CLIP4: variants seen among roughly 807,000 people sequenced by gnomAD.
CLIP4 encodes the protein CAP-Gly domain-containing linker protein 4.
A neutral mutation model predicts 73.1 loss-of-function variants in CLIP4; 47 were observed. The observed-to-expected ratio is 0.64, with a 90% CI of 0.51 to 0.82. CLIP4 has a LOEUF of 0.82. Among genes scored for constraint, CLIP4 ranks in the 40% least tolerant of loss-of-function variants. The pLI is 0.00. For missense variants in CLIP4, 874 were observed against 852.9 expected (o/e 1.02, Z -0.31); for synonymous variants, 306 against 295.4 (o/e 1.04, Z -0.37).
rs1437991720 is a variant in CLIP4, at chr2:29,115,568, GC to G, written c.-111del. The G allele has an allele frequency of 1.4e-5, 2 of 147,738 alleles. No individual in the cohort carries two copies. Among genetic ancestry groups the G allele is most frequent in the Non-Finnish European group, 3.0e-5 (2 of 66,246 alleles). The allele number at this position is 147,738 out of a possible 1,614,324, so 9.2% of individuals were successfully genotyped here. On this transcript the variant is annotated 5_prime_UTR_variant, in exon 1 of 16. Coordinates refer to ENST00000320081, the MANE Select transcript of CLIP4 (RefSeq NM_024692.6). This position sits in a 1 kb window ranked among gnomAD's most constrained non-coding sequence, Gnocchi z 5.1. ...GGCGCGGCGGGAGGCTCCGTGGGCG[GC>G]CACGGGAGACAGCGCCGGCGGGAGC...
intron 1 of CLIP4, among the ~76,000 whole-genome samples, chr2:29,100,144 G>A (rs1558500907): frequency 6.6e-6 from 1 of 151,940 alleles, no homozygotes; most frequent in African/African-American, 2.4e-5. Context: ...TGCCCAGGCT[G>A]GTCTCAAACT....
intron 1 of CLIP4, among the ~76,000 whole-genome samples, chr2:29,100,513 G>A (rs868346064): frequency 6.6e-6 from 1 of 151,776 alleles, no homozygotes. Context: ...CAGTAAGTAG[G>A]TATTGAGTAC....
At chr2:29,154,018 A>G (rs531195143) in intron 9 of CLIP4, among the ~76,000 whole-genome samples, 1 of 152,346 alleles carries the variant, frequency 6.6e-6, no homozygotes, top group South Asian at 2.1e-4. Context: ...AAGAACTGAC[A>G]TCTTTACAAT....
intron 15 of CLIP4, among the ~76,000 whole-genome samples, chr2:29,180,842 G>GTA (rs3028197): frequency 1.3e-4 from 6 of 46,646 alleles, no homozygotes; most frequent in Non-Finnish European, 3.3e-4. Flanking sequence ...ATATATGTAT[G>GTA]TGTGTGTGTG....
At chr2:29,129,128 G>A (rs1664804490) in intron 2 of CLIP4, among the ~76,000 whole-genome samples, 1 of 152,130 alleles carries the variant, frequency 6.6e-6, no homozygotes, top group African/African-American at 2.4e-5. Flanking sequence ...TTTTCTTGCT[G>A]AGAAATTTTG....
At chr2:29,177,710 A>G (rs762248812) in intron 15 of CLIP4, among the ~76,000 whole-genome samples, 31 of 152,146 alleles carry the variant, frequency 2.0e-4, no homozygotes, top group Non-Finnish European at 3.4e-4. Flanking sequence ...TTTAAGGGAG[A>G]AGAGACGTCT....
At chr2:29,138,798 C>G (rs941347795) in intron 6 of CLIP4, among the ~76,000 whole-genome samples, 10 of 151,848 alleles carry the variant, frequency 6.6e-5, no homozygotes, top group Non-Finnish European at 1.3e-4. Flanking sequence ...TGTTCTCAGC[C>G]TGAGTGTTAT....
chr2:29,141,044 C>T (rs1458826293), intron 6 of CLIP4, among the ~76,000 whole-genome samples: 1 of 151,804 alleles, frequency 6.6e-6, no homozygotes, highest in Non-Finnish European at 1.5e-5. Flanking sequence ...TCATTTGTTT[C>T]AAAGGATTTT....
chr2:29,166,524 CACACAG>C (rs1322426281), intron 13 of CLIP4, among the ~76,000 whole-genome samples: 6 of 110,962 alleles, frequency 5.4e-5, no homozygotes, highest in Non-Finnish European at 1.2e-4. Context: ...ATCACATACA[CACACAG>C]ACACACACAC....
At chr2:29,179,705 G>A (rs962187276) in intron 15 of CLIP4, among the ~76,000 whole-genome samples, 6 of 152,080 alleles carry the variant, frequency 3.9e-5, no homozygotes, top group African/African-American at 1.2e-4. Context: ...ATTTTGTCAG[G>A]TTACAAAAAA....
At chr2:29,177,595 A>G (rs1668421062) in intron 15 of CLIP4, among the ~76,000 whole-genome samples, 1 of 151,644 alleles carries the variant, frequency 6.6e-6, no homozygotes, top group Non-Finnish European at 1.5e-5. Context: ...AAAAAGTAAT[A>G]TATATATTTT....
chr2:29,106,090 G>C (rs924588021), intron 1 of CLIP4, among the ~76,000 whole-genome samples: 1 of 145,622 alleles, frequency 6.9e-6, no homozygotes, highest in African/African-American at 2.6e-5. Context: ...TTTAATCTTT[G>C]GATCTAGACT....
At position 29,126,047 on chromosome 2, in the gene CLIP4, C is replaced by T. The variant is rs144988792; in HGVS notation, c.133+4526C>T. 4.3e-4 allele frequency among the ~76,000 whole-genome samples: 66 copies of T among 152,048 alleles called. 1 individual carries two copies. In the East Asian group the frequency reaches 0.012, roughly 27 times the overall value. ...AAAATTAGCCGTGTGTGGTGGCGTG[C>T]GCCTGTGGTCCCAGCTACTTGGGAG... is the stretch of plus-strand genomic sequence containing the variant. On this transcript the variant is annotated intron_variant, in intron 2 of 15. Transcript: ENST00000320081.
rs182624230 is a variant in CLIP4, at chr2:29,168,603, A to G, written c.1723+1063A>G. Among the ~76,000 whole-genome samples the G allele has an allele frequency of 6.4e-3, 898 of 139,692 alleles. 8 individuals carry two copies. The highest frequency in any genetic ancestry group is 0.023 in the African/African-American group (850 of 36,884). 91.6% of individuals were successfully genotyped at this position (139,692 alleles called of 152,430 possible). ...AGTGGTGCGATCTTGGCTCACCGCA[A>G]GCTCCGCCTCCCAGGTTCACACCAT... On this transcript the variant is annotated intron_variant, in intron 14 of 15. Coordinates refer to ENST00000320081, the MANE Select transcript of CLIP4 (RefSeq NM_024692.6).
chr2:29,174,470 A>T (rs1668205823), intron 15 of CLIP4, 25 bp downstream of exon 15: 4 of 1,602,264 alleles, frequency 2.5e-6, no homozygotes, highest in Non-Finnish European at 3.4e-6. Flanking sequence ...GATTTAGAAA[A>T]ACACCTTTCA....
intron 8 of CLIP4, among the ~76,000 whole-genome samples, chr2:29,150,301 A>G (rs1197022925): frequency 1.3e-5 from 2 of 152,216 alleles, no homozygotes; most frequent in Admixed American, 1.3e-4. Flanking sequence ...AAGTACAAAA[A>G]GGTGGAGAGG....
intron 2 of CLIP4, chr2:29,130,586 A>G: frequency 9.0e-7 from 1 of 1,108,022 alleles, no homozygotes; most frequent in Non-Finnish European, 1.1e-6. Flanking sequence ...TCAGAGGCCA[A>G]GGTTTGTCTT....
chr2:29,148,809 A>G (rs1260169945), intron 8 of CLIP4, among the ~76,000 whole-genome samples: 1 of 152,216 alleles, frequency 6.6e-6, no homozygotes, highest in Non-Finnish European at 1.5e-5. Context: ...AACCCAATGT[A>G]GCAGTTTGTT....
chr2:29,129,520 A>C (rs182002836), intron 2 of CLIP4, among the ~76,000 whole-genome samples: 22 of 152,134 alleles, frequency 1.4e-4, no homozygotes, highest in Admixed American at 1.4e-3. Context: ...GTGTCAATTA[A>C]AATAATACAA....
Sources: allele counts gnomAD v4.1 joint callset (sites outside exome capture counted in the v4.1 genomes callset), GRCh38; gene constraint gnomAD v4.1.1; non-coding constraint Gnocchi (gnomAD v3.1); transcripts MANE v1.5; gene names NCBI Gene and HGNC (gene_info 2026-07-23, HGNC 2026-07-21).